The following ZNF875 variants were observed in gnomAD, a reference collection of about 807,000 sequenced individuals.
ZNF875 encodes the protein zinc finger protein 875, also known as HKR1, GLI-Kruppel zinc finger family member.
A neutral mutation model predicts 11.2 loss-of-function variants in ZNF875; 14 were observed. That is an observed-to-expected ratio of 1.26 (90% CI 0.83 to 1.96). The LOEUF is 1.96. Ranked by LOEUF, ZNF875 falls within the 30% of genes most tolerant of loss-of-function variation. The pLI is 0.00. For synonymous variants in ZNF875, 301 were observed against 281.1 expected, an observed-to-expected ratio of 1.07 and a Z score of -0.71; for missense variants, 752 against 760.4, an observed-to-expected ratio of 0.99 and a Z score of 0.13.
chr19:37,314,510 T>C (rs536141972), upstream of ZNF875, among the ~76,000 whole-genome samples: 1 of 152,290 alleles, frequency 6.6e-6, no homozygotes, highest in East Asian at 1.9e-4. Context: ...AAGATGGTCC[T>C]AGGGCATCTG....
chr19:37,313,154 G>T (rs1025907294), upstream of ZNF875: 1 of 152,104 alleles, frequency 6.6e-6, no homozygotes, highest in Non-Finnish European at 1.5e-5. Context: ...TGCTGCATGT[G>T]TCTGTGGTCT....
At chr19:37,314,250 C>T (rs1336222543), upstream of ZNF875, among the ~76,000 whole-genome samples, 1 of 152,052 alleles carries the variant, frequency 6.6e-6, no homozygotes, top group Non-Finnish European at 1.5e-5. Flanking sequence ...TAGCTGAGAC[C>T]ACAGGCATGC....
chr19:37,335,529 C>T (rs755313004), intron 2 of ZNF875, among the ~76,000 whole-genome samples: 1 of 152,156 alleles, frequency 6.6e-6, no homozygotes, highest in African/African-American at 2.4e-5. Context: ...AAGAAGGGGT[C>T]GGGGGCACTT....
chr19:37,319,917 C>T (rs776284921), intron 1 of ZNF875, among the ~76,000 whole-genome samples: 7 of 152,126 alleles, frequency 4.6e-5, no homozygotes, highest in Non-Finnish European at 1.0e-4. Flanking sequence ...GACGGAGTCT[C>T]GCTCTGTCAC....
intron 2 of ZNF875, among the ~76,000 whole-genome samples, chr19:37,343,383 A>C (rs2036147736): frequency 1.3e-5 from 2 of 151,954 alleles, no homozygotes; most frequent in African/African-American, 2.4e-5. Context: ...AAAAAAAAAA[A>C]AACCAAACAA....
chr19:37,338,826 C>G (rs1023064155), intron 2 of ZNF875, among the ~76,000 whole-genome samples: 1 of 152,038 alleles, frequency 6.6e-6, no homozygotes, highest in Admixed American at 6.6e-5. Flanking sequence ...GTTTCAGGAG[C>G]GTTGGGTAGA....
chr19:37,344,955 A>G, intron 2 of ZNF875: 1 of 573,668 alleles, frequency 1.7e-6, no homozygotes, highest in South Asian at 1.9e-5. Context: ...GAACAGTTTC[A>G]GACATATGGA....
intron 1 of ZNF875, 166 bp from the exon 2 acceptor site, chr19:37,335,003 G>C (rs1421557512): frequency 3.7e-6 from 2 of 544,488 alleles, no homozygotes; most frequent in Admixed American, 2.9e-5. Context: ...GGCTGAGCTT[G>C]AGGGTGGCTG....
chr19:37,341,679 G>A (rs1291024062), intron 2 of ZNF875, among the ~76,000 whole-genome samples: 1 of 152,114 alleles, frequency 6.6e-6, no homozygotes, highest in Non-Finnish European at 1.5e-5. Context: ...CCCTTACCAT[G>A]TGCAAGATTA....
chr19:37,324,515 T>TA (rs1441145008), intron 4 of ZNF875, among the ~76,000 whole-genome samples: 1 of 152,182 alleles, frequency 6.6e-6, no homozygotes, highest in Non-Finnish European at 1.5e-5. Context: ...GTTAAAGTCT[T>TA]ATAGGCTTCT....
chr19:37,352,290 G>A (rs1332716069), intron 4 of ZNF875, among the ~76,000 whole-genome samples: 4 of 151,798 alleles, frequency 2.6e-5, no homozygotes, highest in Admixed American at 6.6e-5. Flanking sequence ...TTTCTCGGGC[G>A]TGGCTTGGAG....
At chr19:37,335,381 C>G in intron 2 of ZNF875, 124 bp downstream of exon 2, 1 of 576,192 alleles carries the variant, frequency 1.7e-6, no homozygotes, top group African/African-American at 1.9e-5. Context: ...ATTCCTAGTC[C>G]ATAGAACAAG....
chr19:37,353,434 T>C (rs990208161), intron 4 of ZNF875, among the ~76,000 whole-genome samples: 1 of 152,218 alleles, frequency 6.6e-6, no homozygotes, highest in African/African-American at 2.4e-5. Flanking sequence ...CATCGTATAG[T>C]AATACGTATT....
Position 37,363,599 on chromosome 19 carries a change from G to A in ZNF875, c.1747G>A (p.Ala583Thr), listed in dbSNP as rs755794469. 96 of 1,611,236 alleles carry A rather than the reference G, an allele frequency of 6.0e-5. No individual in the cohort carries two copies. The highest frequency in any genetic ancestry group is 7.3e-5 in the Non-Finnish European group (86 of 1,179,130). The stretch of plus-strand genomic sequence containing the variant: ...TCTCATTAAACACCAGAGAGCACAC[G>A]CAGGGGGGAAGCCTCATGTGTGCAG... ...LTLIKHQRAH[A>T]GGKPHVCREC... is the part of the protein sequence containing the mutation. The change falls in exon 5 of 5, where the codon GCA becomes ACA. Residue 583 changes from alanine to threonine, a missense_variant. Ala to Thr is a moderately conservative substitution (Grantham distance 58). Transcript: ENST00000392153.
At chr19:37,347,942 A>G (rs2037139035) in intron 4 of ZNF875, 70 bp downstream of exon 4, 3 of 889,006 alleles carry the variant, frequency 3.4e-6, no homozygotes, top group Admixed American at 3.9e-5. Context: ...GGCATCTCTC[A>G]GATACTGGGA....
In ZNF875 at chr19:37,362,480, G is replaced by A. The variant is rs755355980; in HGVS notation, c.628G>A (p.Glu210Lys). ...SSPERRADLE[E>K]TDKVLHGLEV... ...CCCTGAACGGAGGGCAGATCTAGAG[G>A]AAACAGACAAAGTATTGCATGGTTT... Residue 210 changes from glutamate to lysine, a missense_variant, in exon 5 of 5, where the codon GAA (glutamate) becomes AAA (lysine). Physicochemically the swap from Glu to Lys is moderately conservative, Grantham distance 56. Transcript: ENST00000392153. 2.5e-6 allele frequency: 4 copies of A among 1,614,190 alleles called. No homozygotes were observed. Among genetic ancestry groups the A allele is most frequent in the Non-Finnish European group, 3.4e-6 (4 of 1,180,036 alleles).
At chr19:37,323,777 C>G (rs998382086) in intron 3 of ZNF875, among the ~76,000 whole-genome samples, 2 of 152,156 alleles carry the variant, frequency 1.3e-5, no homozygotes, top group Admixed American at 6.5e-5. Flanking sequence ...GGTTACCTTC[C>G]CACTGTGTCC....
chr19:37,332,926 G>C (rs1189159905), upstream of ZNF875, among the ~76,000 whole-genome samples: 1 of 152,184 alleles, frequency 6.6e-6, no homozygotes, highest in African/African-American at 2.4e-5. Context: ...ACTCAGGTGA[G>C]AGTGTATCAT....
Position 37,362,233 on chromosome 19 carries a change from TC to T in ZNF875, c.383del (p.Pro128LeufsTer41), listed in dbSNP as rs778635334. The T allele has an allele frequency of 1.9e-6, 3 of 1,614,142 alleles. No individual in the cohort carries two copies. The highest frequency in any genetic ancestry group is 2.5e-6 in the Non-Finnish European group (3 of 1,180,016). On this transcript the variant is annotated frameshift_variant, in exon 5 of 5. Transcript: ENST00000392153. LOFTEE classifies it low-confidence loss of function (END_TRUNC). Reference sequence around the variant, plus strand: ...TGTTTTCAAGTTTATGGGCAGGAAATCCTCTCCACCTGGGAAAACACTATCC... The same window carrying T: ...TGTTTTCAAGTTTATGGGCAGGAAATCTCTCCACCTGGGAAAACACTATCC... ...QLFSSLWAGN[P>X]LHLGKHYPED...
Sources: allele counts gnomAD v4.1 joint callset (sites outside exome capture counted in the v4.1 genomes callset), GRCh38; gene constraint gnomAD v4.1.1; transcripts MANE v1.5; gene names NCBI Gene and HGNC (gene_info 2026-07-23, HGNC 2026-07-21).